Variants in SINHCAF observed in about 807,000 individuals in gnomAD.
SINHCAF encodes SIN3-HDAC complex-associated factor.
Under a neutral mutation model 25.8 loss-of-function variants are expected in SINHCAF, and 3 were observed. That is an observed-to-expected ratio of 0.12 (90% CI 0.05 to 0.30). The LOEUF is 0.30. Ranked by LOEUF, SINHCAF falls within the 10% of genes least tolerant of loss-of-function variation. The pLI is 1.00. For synonymous variants in SINHCAF, 70 were observed against 85.5 expected (o/e 0.82, Z 1.00); for missense variants, 121 against 262.3 (o/e 0.46, Z 3.72).
chr12:31,314,696 C>T (rs1379164332), intron 1 of SINHCAF, among the ~76,000 whole-genome samples: 1 of 152,034 alleles, frequency 6.6e-6, no homozygotes, highest in Non-Finnish European at 1.5e-5. Context: ...ATCATCCTAC[C>T]CACTTTTGCT....
chr12:31,315,269 A>G (rs923666333), intron 1 of SINHCAF, among the ~76,000 whole-genome samples: 13 of 152,204 alleles, frequency 8.5e-5, no homozygotes, highest in African/African-American at 2.2e-4. Flanking sequence ...AGAAAAGTTA[A>G]TAATTGTGTA....
In SINHCAF at chr12:31,326,128, G is replaced by C. The variant is rs1312560181; in HGVS notation, c.-125C>G. ...CCCTCCTCCTCAACTGCCTTGTCTAGAAAGATAGTCTCCTGCAGTTCTGCA... is the reference window on the plus strand; with the variant it reads ...CCCTCCTCCTCAACTGCCTTGTCTACAAAGATAGTCTCCTGCAGTTCTGCA... On this transcript the variant is annotated 5_prime_UTR_variant, in exon 1 of 6. Coordinates refer to ENST00000337682, the MANE Select transcript of SINHCAF (RefSeq NM_001135812.2). 1.3e-5 allele frequency: 2 copies of C among 152,284 alleles called. No homozygotes were observed. Among genetic ancestry groups the C allele is most frequent in the Non-Finnish European group, 2.9e-5 (2 of 68,080 alleles). The allele number at this position is 152,284 out of a possible 1,614,324, so 9.4% of individuals were successfully genotyped here. A position where few individuals can be genotyped will look rare whatever the true frequency, so the allele number is the denominator to read the frequency against.
chr12:31,313,514 A>AT (rs1939364976), intron 1 of SINHCAF, among the ~76,000 whole-genome samples: 1 of 152,230 alleles, frequency 6.6e-6, no homozygotes, highest in African/African-American at 2.4e-5. Flanking sequence ...TATCTTGGCT[A>AT]TTCTTGGCCC....
At chr12:31,319,890 C>T (rs1195633591) in intron 1 of SINHCAF, among the ~76,000 whole-genome samples, 2 of 152,186 alleles carry the variant, frequency 1.3e-5, no homozygotes, top group Non-Finnish European at 2.9e-5. Flanking sequence ...TGCTCTTCCT[C>T]TATTTACCTA....
At position 31,281,666 on chromosome 12, in the gene SINHCAF, A is replaced by G. The variant is rs1232100971; in HGVS notation, c.*1046T>C. 6.6e-6 allele frequency: 1 copy of G among 152,182 alleles called. No homozygotes were observed. The highest frequency in any genetic ancestry group is 1.5e-5 in the Non-Finnish European group (1 of 68,034). 9.4% of individuals were successfully genotyped at this position (152,182 alleles called of 1,614,324 possible). On this transcript the variant is annotated 3_prime_UTR_variant, in exon 6 of 6. Coordinates refer to ENST00000337682, the MANE Select transcript of SINHCAF (RefSeq NM_001135812.2). ...CATTTTATTTTTCAGATAGCTTAAC[A>G]TTTTTAATCGAGTGTGTTCTCTACC...
At chr12:31,287,876 G>T in intron 4 of SINHCAF, 92 bp from the exon 5 acceptor site, 1 of 828,704 alleles carries the variant, frequency 1.2e-6, no homozygotes, top group Non-Finnish European at 1.7e-6. Context: ...TGAAAGAGTT[G>T]GTAAAAAAGA....
chr12:31,290,332 G>C (rs1212844715), intron 4 of SINHCAF, among the ~76,000 whole-genome samples: 1 of 151,974 alleles, frequency 6.6e-6, no homozygotes, highest in Non-Finnish European at 1.5e-5. Context: ...TTAGTAGACA[G>C]GATTTCGCCA....
intron 1 of SINHCAF, chr12:31,304,111 C>G (rs1412272221): frequency 7.3e-5 from 8 of 108,866 alleles, no homozygotes; most frequent in African/African-American, 3.0e-4. Flanking sequence ...AAGAGCAAGA[C>G]TCTCCCTCAA....
intron 1 of SINHCAF, among the ~76,000 whole-genome samples, chr12:31,312,417 A>G (rs566211970): frequency 2.2e-4 from 33 of 152,228 alleles, no homozygotes; most frequent in Non-Finnish European, 4.1e-4. Context: ...GTCATAGAAA[A>G]TGTGTAAATT....
chr12:31,321,991 GGA>G (rs1491093386), intron 1 of SINHCAF, among the ~76,000 whole-genome samples: 10 of 150,850 alleles, frequency 6.6e-5, no homozygotes, highest in African/African-American at 2.4e-4. Context: ...CCACTCTGGG[GGA>G]AAAAAAAAAA....
chr12:31,289,789 A>G (rs936045828), intron 4 of SINHCAF, among the ~76,000 whole-genome samples: 75 of 138,328 alleles, frequency 5.4e-4, no homozygotes, highest in Non-Finnish European at 6.6e-4. Flanking sequence ...AACAGACTAA[A>G]GAAAATTTGG....
Position 31,324,788 on chromosome 12 carries a change from C to T in SINHCAF, c.-21+1236G>A. 1 of 360,918 alleles carries T rather than the reference C, an allele frequency of 2.8e-6. No homozygotes were observed. The highest frequency in any genetic ancestry group is 2.0e-5 in the South Asian group (1 of 49,388). 22.4% of individuals were successfully genotyped at this position (360,918 alleles called of 1,614,324 possible). ...GCCCCGAAGAGTCCGGAGCCTGGCC[C>T]CCCGACCCTCCCCTCGGGAGCAGGC... is the stretch of plus-strand genomic sequence containing the variant. On this transcript the variant is annotated intron_variant, in intron 1 of 5. Coordinates refer to ENST00000337682, the MANE Select transcript of SINHCAF (RefSeq NM_001135812.2). The surrounding 1 kb of genome is among the most constrained non-coding windows in gnomAD (Gnocchi z 5.5).
In SINHCAF at chr12:31,281,010, T is replaced by G. The variant is rs533064753; in HGVS notation, c.*1702A>C. ...AGGTTTTTTCCAAAAGAAGGAAATA[T>G]AAAATGTTTAGATTAAGAACTATAA... On this transcript the variant is annotated 3_prime_UTR_variant, in exon 6 of 6. Transcript: ENST00000337682. 5.9e-5 allele frequency: 9 copies of G among 152,210 alleles called. No homozygotes were observed. In the South Asian group the frequency reaches 1.0e-3, roughly 18 times the overall value. The allele number at this position is 152,210 out of a possible 1,614,324, so 9.4% of individuals were successfully genotyped here. A position where few individuals can be genotyped will look rare whatever the true frequency, so the allele number is the denominator to read the frequency against.
chr12:31,316,115 A>G (rs1198142873), intron 1 of SINHCAF, among the ~76,000 whole-genome samples: 3 of 152,146 alleles, frequency 2.0e-5, no homozygotes, highest in African/African-American at 4.8e-5. Context: ...GTATGCAGTG[A>G]GCCGAGATTG....
rs914008095 is a variant in SINHCAF, at chr12:31,325,482, C to T, written c.-21+542G>A. 8.7e-6 allele frequency: 3 copies of T among 344,870 alleles called. No individual in the cohort carries two copies. Among genetic ancestry groups the T allele is most frequent in the Non-Finnish European group, 1.7e-5 (3 of 173,576 alleles). The allele number at this position is 344,870 out of a possible 1,614,324, so 21.4% of individuals were successfully genotyped here. On this transcript the variant is annotated intron_variant, in intron 1 of 5. Transcript: ENST00000337682. The surrounding 1 kb of genome is among the most constrained non-coding windows in gnomAD (Gnocchi z 5.9). Reference sequence around the variant, plus strand: ...CGGAAGCGGATGGCAACTTAGTTTCCGAGCGAATGGCGTTTATTGTCCACC... The same window carrying T: ...CGGAAGCGGATGGCAACTTAGTTTCTGAGCGAATGGCGTTTATTGTCCACC...
At chr12:31,293,668 T>C in intron 4 of SINHCAF, 137 bp downstream of exon 4, 1 of 665,634 alleles carries the variant, frequency 1.5e-6, no homozygotes, top group Non-Finnish European at 2.4e-6. Flanking sequence ...ATAACATCTC[T>C]ACCAAGTCAA....
At chr12:31,291,807 C>T (rs1938339353) in intron 4 of SINHCAF, among the ~76,000 whole-genome samples, 2 of 151,684 alleles carry the variant, frequency 1.3e-5, no homozygotes, top group Non-Finnish European at 2.9e-5. Context: ...GAAGAGAATA[C>T]AGGCCTGGTA....
At chr12:31,314,525 C>CAA (rs144828928) in intron 1 of SINHCAF, among the ~76,000 whole-genome samples, 1 of 142,598 alleles carries the variant, frequency 7.0e-6, no homozygotes, top group African/African-American at 2.6e-5. Context: ...GACTCCGTCT[C>CAA]AAAAAAAAAA....
In SINHCAF at chr12:31,324,923, C is replaced by G. The variant is rs1268952224; in HGVS notation, c.-21+1101G>C. On this transcript the variant is annotated intron_variant, in intron 1 of 5. Transcript: ENST00000337682. The surrounding 1 kb of genome is among the most constrained non-coding windows in gnomAD (Gnocchi z 5.5). ...CTCTGCTTTTTAAACTGGCAAGACGCCATCATCAGCAAACCACATTGTCCT... is the reference window on the plus strand; with the variant it reads ...CTCTGCTTTTTAAACTGGCAAGACGGCATCATCAGCAAACCACATTGTCCT... 4.4e-6 allele frequency: 2 copies of G among 455,324 alleles called. No individual in the cohort carries two copies. The highest frequency in any genetic ancestry group is 2.4e-5 in the Admixed American group (1 of 42,450). The allele number at this position is 455,324 out of a possible 1,614,324, so 28.2% of individuals were successfully genotyped here. A position where few individuals can be genotyped will look rare whatever the true frequency, so the allele number is the denominator to read the frequency against.
Sources: allele counts gnomAD v4.1 joint callset (sites outside exome capture counted in the v4.1 genomes callset), GRCh38; gene constraint gnomAD v4.1.1; non-coding constraint Gnocchi (gnomAD v3.1); transcripts MANE v1.5; gene names NCBI Gene and HGNC (gene_info 2026-07-23, HGNC 2026-07-21).